The following NELL2 variants were observed in gnomAD, a reference collection of about 807,000 sequenced individuals.
NELL2 encodes protein kinase C-binding protein NELL2.
A neutral mutation model predicts 109.6 loss-of-function variants in NELL2; 41 were observed. The ratio of observed to expected loss-of-function variants is 0.37; its 90% CI spans 0.29 to 0.49. NELL2 has a LOEUF of 0.49. Ranked by LOEUF, NELL2 falls within the 20% of genes least tolerant of loss-of-function variation. The pLI, the probability that NELL2 is intolerant of heterozygous loss-of-function variation, is 0.98. For synonymous variants in NELL2, 355 were observed against 344.7 expected (o/e 1.03, Z -0.33); for missense variants, 900 against 1,008.3 (o/e 0.89, Z 1.45).
intron 2 of NELL2, among the ~76,000 whole-genome samples, chr12:44,859,372 T>A (rs1327832731): frequency 6.6e-6 from 1 of 152,044 alleles, no homozygotes; most frequent in African/African-American, 2.4e-5. Flanking sequence ...TGAAACCCCG[T>A]CTCCACAAAA....
chr12:44,558,089 G>A (rs1260014713), intron 15 of NELL2, among the ~76,000 whole-genome samples: 1 of 152,002 alleles, frequency 6.6e-6, no homozygotes, highest in African/African-American at 2.4e-5. Flanking sequence ...GAAAGGAGAG[G>A]GCTACGTTGG....
At chr12:44,833,076 C>G (rs1566494059) in intron 2 of NELL2, among the ~76,000 whole-genome samples, 1 of 152,186 alleles carries the variant, frequency 6.6e-6, no homozygotes, top group Non-Finnish European at 1.5e-5. Flanking sequence ...AATTCCACCA[C>G]CAGTTTTGGG....
chr12:44,656,822 T>G (rs1413570961), intron 13 of NELL2, among the ~76,000 whole-genome samples: 1 of 152,244 alleles, frequency 6.6e-6, no homozygotes, highest in Non-Finnish European at 1.5e-5. Flanking sequence ...ACTTGTGATT[T>G]TGATAAATCC....
At chr12:44,871,986 T>G (rs969427371) in intron 2 of NELL2, among the ~76,000 whole-genome samples, 1 of 152,170 alleles carries the variant, frequency 6.6e-6, no homozygotes, top group Non-Finnish European at 1.5e-5. Context: ...AGATTAATTG[T>G]TAAAATCAAA....
intron 12 of NELL2, among the ~76,000 whole-genome samples, chr12:44,700,397 T>C (rs1011937757): frequency 1.2e-4 from 19 of 152,172 alleles, no homozygotes; most frequent in African/African-American, 4.3e-4. Context: ...TGTCCCTTGT[T>C]CTTAACATGA....
chr12:44,570,278 C>T (rs138765386), intron 15 of NELL2, among the ~76,000 whole-genome samples: 329 of 152,232 alleles, frequency 2.2e-3, no homozygotes, highest in African/African-American at 7.1e-3. Flanking sequence ...TCATGTGTGG[C>T]GATGCTGGTG....
chr12:44,772,623 T>A (rs1289317871), intron 9 of NELL2, among the ~76,000 whole-genome samples: 1 of 152,228 alleles, frequency 6.6e-6, no homozygotes, highest in East Asian at 1.9e-4. Context: ...TTAAATTCAT[T>A]AAAACTAAAA....
At chr12:44,553,033 A>T (rs565399227) in intron 15 of NELL2, among the ~76,000 whole-genome samples, 1 of 146,590 alleles carries the variant, frequency 6.8e-6, no homozygotes, top group South Asian at 2.2e-4. Context: ...AAAACCAAAC[A>T]CCGCATATTC....
At chr12:44,918,064 A>G (rs546902497), upstream of NELL2, among the ~76,000 whole-genome samples, 8 of 152,340 alleles carry the variant, frequency 5.3e-5, no homozygotes, top group African/African-American at 1.7e-4. Flanking sequence ...TCACTACCTA[A>G]AACACCTCCA....
intron 13 of NELL2, among the ~76,000 whole-genome samples, chr12:44,645,985 G>C (rs1947081407): frequency 6.6e-6 from 1 of 151,778 alleles, no homozygotes; most frequent in Non-Finnish European, 1.5e-5. Flanking sequence ...AATTCACTTT[G>C]TCTTTTATTA....
At chr12:44,877,689 T>A (rs535358200), upstream of NELL2, among the ~76,000 whole-genome samples, 5 of 152,130 alleles carry the variant, frequency 3.3e-5, no homozygotes, top group African/African-American at 1.2e-4. Context: ...AAGAGGTATT[T>A]TTAGATCTGC....
intron 9 of NELL2, among the ~76,000 whole-genome samples, chr12:44,735,122 C>T (rs186989609): frequency 6.0e-4 from 92 of 152,188 alleles, no homozygotes; most frequent in Non-Finnish European, 6.5e-4. Flanking sequence ...GTGTCTAGAT[C>T]TCATGTCTTC....
At chr12:44,586,338 T>C (rs1371285855) in intron 15 of NELL2, among the ~76,000 whole-genome samples, 1 of 150,584 alleles carries the variant, frequency 6.6e-6, no homozygotes, top group African/African-American at 2.4e-5. Flanking sequence ...ATATATATCG[T>C]ATGTATGTCA....
chr12:44,809,497 T>C (rs1943106490), intron 3 of NELL2, among the ~76,000 whole-genome samples: 1 of 152,120 alleles, frequency 6.6e-6, no homozygotes, highest in African/African-American at 2.4e-5. Flanking sequence ...TTTTAGGTTA[T>C]GCTGCTGATG....
chr12:44,526,544 T>C (rs191638155), intron 16 of NELL2, among the ~76,000 whole-genome samples: 65 of 152,132 alleles, frequency 4.3e-4, no homozygotes, highest in African/African-American at 1.5e-3. Context: ...CTACACTGAG[T>C]TGGGGACTCA....
chr12:44,526,404 CT>C (rs1378255909), intron 16 of NELL2, among the ~76,000 whole-genome samples: 1 of 152,182 alleles, frequency 6.6e-6, no homozygotes. Context: ...TTGATTCTCA[CT>C]TTATAAATCA....
chr12:44,737,523 T>C (rs925027073), intron 9 of NELL2, among the ~76,000 whole-genome samples: 1 of 152,116 alleles, frequency 6.6e-6, no homozygotes, highest in Non-Finnish European at 1.5e-5. Flanking sequence ...TTCGAAATCA[T>C]TTCTTTTTCT....
At chr12:44,550,451 G>A (rs183731390) in intron 15 of NELL2, among the ~76,000 whole-genome samples, 45 of 149,540 alleles carry the variant, frequency 3.0e-4, no homozygotes, top group African/African-American at 1.0e-3. Context: ...GACTGAGGCA[G>A]GAAAATCGCT....
chr12:44,815,695 T>C (rs1174803862), intron 3 of NELL2, among the ~76,000 whole-genome samples: 1 of 152,230 alleles, frequency 6.6e-6, no homozygotes, highest in East Asian at 1.9e-4. Flanking sequence ...CTTGGCTCAC[T>C]GCAACCTCCA....
Sources: gnomAD v4.1 joint callset for allele counts (sites outside exome capture counted in the v4.1 genomes callset) on GRCh38, gnomAD v4.1.1 for gene constraint, MANE v1.5 for transcripts, NCBI Gene and HGNC (gene_info 2026-07-23, HGNC 2026-07-21) for gene names.